Variants in CDH13 observed in about 807,000 individuals in gnomAD.
The protein encoded by CDH13 is cadherin-13.
Under a neutral mutation model 63.8 loss-of-function variants are expected in CDH13, and 24 were observed. That is an observed-to-expected ratio of 0.38 (90% CI 0.27 to 0.53). The LOEUF (loss-of-function observed/expected upper bound fraction) is 0.53, where lower values mean the gene tolerates loss of function less well. CDH13 is among the 20% of genes least tolerant of loss of function. The pLI, the probability that CDH13 is intolerant of heterozygous loss-of-function variation, is 0.85. For missense variants in CDH13, 1,049 were observed against 903.1 expected (o/e 1.16, Z -2.07); for synonymous variants, 503 against 355.3 (o/e 1.42, Z -4.67).
rs78025350 is a variant in CDH13 at position 83,556,736 on chromosome 16, G to T, written c.961-45718G>T. On this transcript the variant is annotated intron_variant, in intron 7 of 13. Transcript: ENST00000567109. Reference sequence around the variant, plus strand: ...TTAGAATCAATATTGGCCTGGCTTCGATAACTTACCTAACAGAGAGGTAAT... The same window carrying T: ...TTAGAATCAATATTGGCCTGGCTTCTATAACTTACCTAACAGAGAGGTAAT... 1.6e-3 allele frequency among the ~76,000 whole-genome samples: 241 copies of T among 152,256 alleles called. 7 individuals are homozygous for T. In the East Asian group the frequency reaches 0.037, roughly 23 times the overall value.
At chr16:83,057,177 G>C (rs1370620238) in intron 3 of CDH13, among the ~76,000 whole-genome samples, 3 of 152,152 alleles carry the variant, frequency 2.0e-5, no homozygotes, top group African/African-American at 7.2e-5. Flanking sequence ...ATGTTGGCCA[G>C]GATGGTCTTG....
chr16:82,671,976 C>T (rs941025003), intron 1 of CDH13, among the ~76,000 whole-genome samples: 5 of 152,206 alleles, frequency 3.3e-5, no homozygotes, highest in African/African-American at 1.2e-4. Flanking sequence ...CCCTCTTGCC[C>T]TGAGACTATC....
rs144266904 is a variant in CDH13 at position 83,151,337 on chromosome 16, C to T, written c.483+25836C>T. On this transcript the variant is annotated intron_variant, in intron 4 of 13. Coordinates refer to ENST00000567109, the MANE Select transcript of CDH13 (RefSeq NM_001257.5). Reference sequence around the variant, plus strand: ...CTGTACCTCACACCTAATGAATTAACATATTTGTGCTGCTTCTTCTGTCTT... The same window carrying T: ...CTGTACCTCACACCTAATGAATTAATATATTTGTGCTGCTTCTTCTGTCTT... Among the ~76,000 whole-genome samples the T allele has an allele frequency of 6.5e-3, 996 of 152,318 alleles. 5 individuals are homozygous for T. The highest frequency in any genetic ancestry group is 0.011 in the Non-Finnish European group (766 of 68,036).
intron 2 of CDH13, among the ~76,000 whole-genome samples, chr16:82,890,150 A>G (rs367581618): frequency 6.6e-6 from 1 of 152,236 alleles, no homozygotes; most frequent in African/African-American, 2.4e-5. Flanking sequence ...TGCAGTTGCT[A>G]GAGATTCCTT....
intron 5 of CDH13, among the ~76,000 whole-genome samples, chr16:83,331,161 A>G (rs2090472771): frequency 6.6e-6 from 1 of 152,184 alleles, no homozygotes; most frequent in African/African-American, 2.4e-5. Flanking sequence ...AGTCTCCCTG[A>G]ATCTAAAACC....
Position 83,477,699 on chromosome 16 carries a change from C to G in CDH13, c.782-8778C>G, listed in dbSNP as rs1348848270. Among the ~76,000 whole-genome samples, 6 of 152,228 alleles carry G rather than the reference C, an allele frequency of 3.9e-5. 1 individual carries two copies. The highest frequency in any genetic ancestry group is 3.3e-4 in the Admixed American group (5 of 15,292). On this transcript the variant is annotated intron_variant, in intron 6 of 13. Transcript: ENST00000567109. ...TAAAGTTGTAATCTGGAGTACTCAT[C>G]AACAACATCTAATTCGTGCCTTTGG...
chr16:82,990,253 A>C (rs1299355947), intron 2 of CDH13: 1 of 152,200 alleles, frequency 6.6e-6, no homozygotes, highest in Non-Finnish European at 1.5e-5. Flanking sequence ...GCAGAAAAGC[A>C]AGGATCCTAG....
At chr16:82,783,554 ACTT>A (rs1045611056) in intron 1 of CDH13, among the ~76,000 whole-genome samples, 6 of 152,138 alleles carry the variant, frequency 3.9e-5, no homozygotes, top group African/African-American at 1.4e-4. Context: ...GTAGAGAAAA[ACTT>A]CTTACTCCTT....
intron 1 of CDH13, among the ~76,000 whole-genome samples, chr16:82,676,018 A>C (rs1258545314): frequency 1.3e-5 from 2 of 152,354 alleles, no homozygotes; most frequent in South Asian, 2.1e-4. Flanking sequence ...TTCAAAGGAC[A>C]GGGAAGAAAG....
intron 3 of CDH13, among the ~76,000 whole-genome samples, chr16:83,075,012 G>C (rs1317137378): frequency 6.6e-6 from 1 of 152,178 alleles, no homozygotes; most frequent in Non-Finnish European, 1.5e-5. Flanking sequence ...AATGGCCATA[G>C]GGGATCCTCA....
At chr16:82,671,052 C>T (rs1056710552) in intron 1 of CDH13, among the ~76,000 whole-genome samples, 3 of 152,152 alleles carry the variant, frequency 2.0e-5, no homozygotes, top group African/African-American at 4.8e-5. Flanking sequence ...CTTGGTAAAT[C>T]CTCATGCCAG....
chr16:83,748,200 C>T lies in CDH13; in HGVS notation c.1631C>T (p.Pro544Leu). 1.2e-6 allele frequency: 2 copies of T among 1,613,860 alleles called. No individual in the cohort carries two copies. The highest frequency in any genetic ancestry group is 1.7e-6 in the Non-Finnish European group (2 of 1,179,776). ...ACAGCTGTGCTGGACCGTGAGTCCCCATTTGTCGACAACAGCGTGTACACT... is the reference window on the plus strand; with the variant it reads ...ACAGCTGTGCTGGACCGTGAGTCCCTATTTGTCGACAACAGCGTGTACACT... Reference protein sequence around the residue: ...DTTAVLDRESPFVDNSVYTAL... With the variant: ...DTTAVLDRESLFVDNSVYTAL... The change falls in exon 11 of 14, where the codon CCA becomes CTA. Residue 544 changes from proline to leucine, a missense_variant. Coordinates refer to ENST00000567109, the MANE Select transcript of CDH13 (RefSeq NM_001257.5).
At chr16:83,227,033 A>C (rs567563394) in intron 5 of CDH13, among the ~76,000 whole-genome samples, 9 of 152,376 alleles carry the variant, frequency 5.9e-5, no homozygotes, top group African/African-American at 1.9e-4. Flanking sequence ...TTGTCCTCCT[A>C]CGCTGGGACC....
chr16:83,341,103 A>G (rs1006722651), intron 5 of CDH13, among the ~76,000 whole-genome samples: 1 of 152,210 alleles, frequency 6.6e-6, no homozygotes, highest in African/African-American at 2.4e-5. Context: ...ATAAAGAACA[A>G]GCATCAGAAT....
chr16:83,706,474 G>A (rs1328695142), intron 10 of CDH13, among the ~76,000 whole-genome samples: 1 of 152,186 alleles, frequency 6.6e-6, no homozygotes, highest in Non-Finnish European at 1.5e-5. Flanking sequence ...TCTGCATGAA[G>A]AGAGAACAGA....
intron 4 of CDH13, among the ~76,000 whole-genome samples, chr16:83,175,552 G>C (rs982916221): frequency 3.9e-5 from 6 of 152,044 alleles, no homozygotes; most frequent in African/African-American, 1.4e-4. Flanking sequence ...GTTTGCTTTG[G>C]GTGACCACAG....
intron 10 of CDH13, among the ~76,000 whole-genome samples, chr16:83,693,804 G>A (rs1048086658): frequency 2.6e-5 from 4 of 152,222 alleles, no homozygotes; most frequent in Middle Eastern, 3.4e-3. Context: ...TCCTAGTTTG[G>A]GCATTGGGAT....
chr16:83,523,685 C>T (rs557689195), intron 7 of CDH13, among the ~76,000 whole-genome samples: 2 of 152,300 alleles, frequency 1.3e-5, no homozygotes, highest in African/African-American at 2.4e-5. Context: ...CTCTTCCTAG[C>T]GCTCAGATTC....
At chr16:83,766,467 C>T (rs1400150337) in intron 11 of CDH13, among the ~76,000 whole-genome samples, 4 of 152,152 alleles carry the variant, frequency 2.6e-5, no homozygotes, top group Non-Finnish European at 5.9e-5. Flanking sequence ...TTCCTGTTTT[C>T]CCTGTTCTCT....
Sources: gnomAD v4.1 joint callset for allele counts (sites outside exome capture counted in the v4.1 genomes callset) on GRCh38, gnomAD v4.1.1 for gene constraint, MANE v1.5 for transcripts, NCBI Gene and HGNC (gene_info 2026-07-23, HGNC 2026-07-21) for gene names.